Variants in POLR2D observed in about 807,000 individuals in gnomAD.
POLR2D encodes RNA polymerase II subunit D, also known as DNA-directed RNA polymerase II subunit RPB4.
POLR2D carries 10 observed loss-of-function variants against 17.6 expected under a neutral mutation model. The observed-to-expected ratio is 0.57, with a 90% CI of 0.35 to 0.96. The LOEUF (loss-of-function observed/expected upper bound fraction) is 0.96, where lower values mean the gene tolerates loss of function less well. Ranked by LOEUF, POLR2D falls within the 40% of genes least tolerant of loss-of-function variation. The probability of loss-of-function intolerance (pLI) is 0.02; values close to 1 mark genes in which losing one functional copy is unlikely to be tolerated. For missense variants in POLR2D, 126 were observed against 176.4 expected (o/e 0.71, Z 1.62); for synonymous variants, 52 against 60.2 (o/e 0.86, Z 0.63).
At chr2:127,855,850 A>C (rs764361489) in intron 1 of POLR2D, among the ~76,000 whole-genome samples, 11 of 152,248 alleles carry the variant, frequency 7.2e-5, no homozygotes, top group Non-Finnish European at 1.6e-4. Context: ...AAGGAAATAG[A>C]TCAGGGGATC....
Position 127,843,572 on chromosome 2 carries a change from T to C in POLR2D, c.*4535A>G, listed in dbSNP as rs1255904305. On this transcript the variant is annotated 3_prime_UTR_variant, in exon 4 of 4. Transcript: ENST00000272645. Reference sequence around the variant, plus strand: ...CCAGTGGCATATTTAGTGCTTTTTATTAACAGTATTACTAAGGCAACTCAT... The same window carrying C: ...CCAGTGGCATATTTAGTGCTTTTTACTAACAGTATTACTAAGGCAACTCAT... 1.3e-5 allele frequency: 2 copies of C among 152,240 alleles called. No homozygotes were observed. The highest frequency in any genetic ancestry group is 1.3e-4 in the Admixed American group (2 of 15,272). The allele number at this position is 152,240 out of a possible 1,614,324, so 9.4% of individuals were successfully genotyped here.
In POLR2D at chr2:127,846,240, T is replaced by G. The variant is rs769196847; in HGVS notation, c.*1867A>C. The G allele has an allele frequency of 6.6e-6, 1 of 152,014 alleles. No homozygotes were observed. Among genetic ancestry groups the G allele is most frequent in the African/African-American group, 2.4e-5 (1 of 41,304 alleles). The allele number at this position is 152,014 out of a possible 1,614,324, so 9.4% of individuals were successfully genotyped here. On this transcript the variant is annotated 3_prime_UTR_variant, in exon 4 of 4. Transcript: ENST00000272645. ...TGCATCCTGGGCAACACAGCCAGAC[T>G]CTATCTCAAAAAATAAATAAATAAA... is the stretch of plus-strand genomic sequence containing the variant.
chr2:127,857,745 T>C, intron 1 of POLR2D: 1 of 1,154,582 alleles, frequency 8.7e-7, no homozygotes, highest in Non-Finnish European at 1.1e-6. Flanking sequence ...AGTATATTAC[T>C]GTTTAAAAAT....
intron 1 of POLR2D, among the ~76,000 whole-genome samples, chr2:127,856,308 A>AAAAAAAAAAAAAAAAAAAAAAC (rs1368420435): frequency 1.4e-5 from 2 of 146,776 alleles, no homozygotes; most frequent in Admixed American, 6.9e-5. Context: ...AAAAAAAAAA[A>AAAAAAAAAAAAAAAAAAAAAAC]AGGCAGGGTG....
chr2:127,856,939 G>C (rs1690344516), intron 1 of POLR2D: 1 of 152,124 alleles, frequency 6.6e-6, no homozygotes, highest in Admixed American at 6.5e-5. Flanking sequence ...GGGAGGCTGA[G>C]GCAGGATAAT....
chr2:127,848,236 G>A (rs376081723), intron 3 of POLR2D, 51 bp from the exon 4 acceptor site: 73 of 1,210,142 alleles, frequency 6.0e-5, no homozygotes, highest in Non-Finnish European at 8.4e-5. Context: ...CAATTTCCCC[G>A]CACTCTTCTT....
At chr2:127,848,664 C>A (rs1690193518) in intron 3 of POLR2D, among the ~76,000 whole-genome samples, 1 of 152,068 alleles carries the variant, frequency 6.6e-6, no homozygotes, top group African/African-American at 2.4e-5. Context: ...CTGCAGGTGC[C>A]CGCCACCACG....
At chr2:127,849,161 C>G (rs908777792) in intron 3 of POLR2D, among the ~76,000 whole-genome samples, 1 of 152,122 alleles carries the variant, frequency 6.6e-6, no homozygotes, top group South Asian at 2.1e-4. Flanking sequence ...TCCCCTACTT[C>G]AGCCTCCCGA....
intron 3 of POLR2D, among the ~76,000 whole-genome samples, chr2:127,848,999 T>C (rs1368608207): frequency 6.6e-6 from 1 of 151,204 alleles, no homozygotes. Flanking sequence ...TTTCTAATGG[T>C]ATCAACCTCC....
intron 2 of POLR2D, among the ~76,000 whole-genome samples, chr2:127,851,092 G>T (rs1690245475): frequency 6.6e-6 from 1 of 151,882 alleles, no homozygotes; most frequent in Admixed American, 6.6e-5. Context: ...GCAGTGGCGG[G>T]CTACTCCCAG....
intron 2 of POLR2D, among the ~76,000 whole-genome samples, chr2:127,851,366 C>A (rs1433209689): frequency 6.6e-6 from 1 of 152,152 alleles, no homozygotes; most frequent in Non-Finnish European, 1.5e-5. Flanking sequence ...TTGCAGTGAG[C>A]CAAGACCGCA....
intron 3 of POLR2D, 29 bp from the exon 4 acceptor site, chr2:127,848,214 T>C (rs1346050795): frequency 6.0e-6 from 9 of 1,501,100 alleles, no homozygotes; most frequent in Non-Finnish European, 7.4e-6. Context: ...AAATGAGTGA[T>C]TTGGCGACTG....
chr2:127,854,959 A>G (rs998152339), intron 1 of POLR2D, among the ~76,000 whole-genome samples: 1 of 148,210 alleles, frequency 6.7e-6, no homozygotes, highest in Admixed American at 6.8e-5. Context: ...AGGACTGCAG[A>G]ACCTCCAAAC....
chr2:127,848,035 A>G lies in POLR2D; in HGVS notation c.*72T>C. The stretch of plus-strand genomic sequence containing the variant: ...CTTCAACAGAATTTCTGTGCAAGTC[A>G]GCCCCAGACAGTGGGAAGGTGGTGT... On this transcript the variant is annotated 3_prime_UTR_variant, in exon 4 of 4. Transcript: ENST00000272645. The G allele has an allele frequency of 9.8e-7, 1 of 1,015,248 alleles. No homozygotes were observed. The highest frequency in any genetic ancestry group is 1.3e-5 in the South Asian group (1 of 78,292). The allele number at this position is 1,015,248 out of a possible 1,614,324, so 62.9% of individuals were successfully genotyped here.
Position 127,845,164 on chromosome 2 carries a change from C to G in POLR2D, c.*2943G>C, listed in dbSNP as rs1690130216. 6.6e-6 allele frequency: 1 copy of G among 152,166 alleles called. No homozygotes were observed. Among genetic ancestry groups the G allele is most frequent in the African/African-American group, 2.4e-5 (1 of 41,418 alleles). 9.4% of individuals were successfully genotyped at this position (152,166 alleles called of 1,614,324 possible). A position where few individuals can be genotyped will look rare whatever the true frequency, so the allele number is the denominator to read the frequency against. On this transcript the variant is annotated 3_prime_UTR_variant, in exon 4 of 4. Transcript: ENST00000272645. Reference sequence around the variant, plus strand: ...GGATCGTCTGGGCTGCCTTCCAAGTCTCTTCTTCCCATTCCACTGCTTTAG... The same window carrying G: ...GGATCGTCTGGGCTGCCTTCCAAGTGTCTTCTTCCCATTCCACTGCTTTAG...
At chr2:127,850,341 G>A (rs1050204084) in intron 3 of POLR2D, among the ~76,000 whole-genome samples, 18 of 149,828 alleles carry the variant, frequency 1.2e-4, no homozygotes, top group African/African-American at 4.4e-4. Flanking sequence ...TCGGGAGGCT[G>A]AGGCAGGAGA....
At chr2:127,856,290 C>CAAAAAAAAAAAAAAAAAAAAAGA (rs61249327) in intron 1 of POLR2D, among the ~76,000 whole-genome samples, 1 of 25,416 alleles carries the variant, frequency 3.9e-5, no homozygotes, top group Non-Finnish European at 7.0e-5. Flanking sequence ...GATCCCGTCT[C>CAAAAAAAAAAAAAAAAAAAAAGA]AAAAAAAAAA....
chr2:127,849,009 C>T (rs913592730), intron 3 of POLR2D, among the ~76,000 whole-genome samples: 2 of 151,864 alleles, frequency 1.3e-5, no homozygotes, highest in African/African-American at 4.8e-5. Context: ...TATCAACCTC[C>T]CAAAGTGCTG....
rs1023923941 is a variant in POLR2D, at chr2:127,858,122, A to T, written c.-22T>A. ...CCATCGCCGCGCCGCGCCGCGCGCC[A>T]CCACCAGCGCCGCCGGAAGCAGAAG... is the stretch of plus-strand genomic sequence containing the variant. On this transcript the variant is annotated 5_prime_UTR_variant, in exon 1 of 4. Coordinates refer to ENST00000272645, the MANE Select transcript of POLR2D (RefSeq NM_004805.4). 2 of 1,446,240 alleles carry T rather than the reference A, an allele frequency of 1.4e-6. No homozygotes were observed. The highest frequency in any genetic ancestry group is 1.8e-6 in the Non-Finnish European group (2 of 1,096,098). The allele number at this position is 1,446,240 out of a possible 1,614,324, so 89.6% of individuals were successfully genotyped here.
Sources: gnomAD v4.1 joint callset for allele counts (sites outside exome capture counted in the v4.1 genomes callset) on GRCh38, gnomAD v4.1.1 for gene constraint, MANE v1.5 for transcripts, NCBI Gene and HGNC (gene_info 2026-07-23, HGNC 2026-07-21) for gene names.